The following MID1 variants were observed in gnomAD, a reference collection of about 807,000 sequenced individuals.
MID1 encodes the protein midline 1.
MID1 carries 7 observed loss-of-function variants against 40.4 expected under a neutral mutation model. The observed-to-expected ratio is 0.17, with a 90% confidence interval of 0.10 to 0.33. MID1 has a LOEUF of 0.33. Among genes scored for constraint, MID1 ranks in the 10% least tolerant of loss-of-function variants. The pLI, the probability that MID1 is intolerant of heterozygous loss-of-function variation, is 1.00. For synonymous variants in MID1, 229 were observed against 221.2 expected (o/e 1.04, Z -0.31); for missense variants, 367 against 558.5 (o/e 0.66, Z 3.46).
intron 1 of MID1, among the ~76,000 whole-genome samples, chrX:10,574,079 AT>A (rs1420390938): frequency 2.7e-5 from 3 of 111,538 alleles, no homozygotes; most frequent in African/African-American, 9.8e-5. Flanking sequence ...GCTTGTGAAT[AT>A]TTTAGGTTAT....
At chrX:10,452,687 C>T (rs1215987138) in intron 9 of MID1, among the ~76,000 whole-genome samples, 2 of 112,104 alleles carry the variant, frequency 1.8e-5, no homozygotes, top group Non-Finnish European at 3.8e-5. Context: ...TGACTTTCTA[C>T]ATGAAGATTT....
At chrX:10,735,479 T>A (rs2043481893) in intron 1 of MID1, among the ~76,000 whole-genome samples, 1 of 111,929 alleles carries the variant, frequency 8.9e-6, no homozygotes, top group South Asian at 3.7e-4. Context: ...CTTAATTTGT[T>A]CTTGTTGTTT....
chrX:10,455,884 A>C (rs1928633877), intron 8 of MID1, among the ~76,000 whole-genome samples: 1 of 112,245 alleles, frequency 8.9e-6, no homozygotes, highest in Non-Finnish European at 1.9e-5. Context: ...GTATTAAAAA[A>C]ATCTTGGCAG....
At chrX:10,531,334 G>A (rs148435356) in intron 2 of MID1, among the ~76,000 whole-genome samples, 1,819 of 112,024 alleles carry the variant, frequency 0.016, 25 homozygotes, top group South Asian at 0.048. Context: ...GGTTTGACTC[G>A]ACAGACCGCA....
At chrX:10,529,085 C>A (rs1441122497) in intron 2 of MID1, among the ~76,000 whole-genome samples, 1 of 111,052 alleles carries the variant, frequency 9.0e-6, no homozygotes, top group African/African-American at 3.3e-5. Context: ...AGGAAGAGTA[C>A]CTGGCTCACG....
chrX:10,585,655 T>C (rs146324291), intron 1 of MID1, among the ~76,000 whole-genome samples: 1,181 of 111,368 alleles, frequency 0.011, 17 homozygotes, highest in African/African-American at 0.033. Context: ...GGGTTGGTTA[T>C]TACTAGTTCT....
At chrX:10,784,607 G>A (rs969631507) in intron 1 of MID1, among the ~76,000 whole-genome samples, 12 of 108,588 alleles carry the variant, frequency 1.1e-4, no homozygotes, top group East Asian at 2.9e-4. Flanking sequence ...CACCACGCCC[G>A]GCTAATTTTT....
At chrX:10,766,925 G>T (rs745794719) in intron 1 of MID1, among the ~76,000 whole-genome samples, 1 of 104,735 alleles carries the variant, frequency 9.5e-6, no homozygotes. Context: ...AAAAAAAAAA[G>T]AAAAATAGTT....
At chrX:10,680,783 C>G (rs1331615146) in intron 1 of MID1, among the ~76,000 whole-genome samples, 2 of 110,459 alleles carry the variant, frequency 1.8e-5, no homozygotes, top group African/African-American at 6.6e-5. Flanking sequence ...GCCTACAATC[C>G]TAGCACTTTG....
intron 1 of MID1, among the ~76,000 whole-genome samples, chrX:10,703,183 G>A (rs1167746657): frequency 8.9e-6 from 1 of 112,100 alleles, no homozygotes; most frequent in Non-Finnish European, 1.9e-5. Flanking sequence ...CAAACAAAAA[G>A]TGTGCCAAGA....
intron 1 of MID1, among the ~76,000 whole-genome samples, chrX:10,592,532 A>T (rs746810404): frequency 1.8e-5 from 2 of 110,592 alleles, no homozygotes; most frequent in African/African-American, 6.6e-5. Context: ...AAATGTGCTT[A>T]AAAAAAGGAA....
At chrX:10,683,517 G>C in intron 1 of MID1, among the ~76,000 whole-genome samples, 1 of 110,588 alleles carries the variant, frequency 9.0e-6, no homozygotes, top group Non-Finnish European at 1.9e-5. Context: ...ACTCTAGCCC[G>C]GGCAGCACAG....
At chrX:10,471,575 T>C (rs190897676) in intron 6 of MID1, among the ~76,000 whole-genome samples, 209 of 112,261 alleles carry the variant, frequency 1.9e-3, no homozygotes, top group Middle Eastern at 0.014. Flanking sequence ...TGAGATTTAG[T>C]GTCATGTGGT....
At chrX:10,704,704 A>G (rs960397312) in intron 1 of MID1, among the ~76,000 whole-genome samples, 46 of 80,967 alleles carry the variant, frequency 5.7e-4, no homozygotes, top group Non-Finnish European at 7.1e-4. Flanking sequence ...ATATATATGC[A>G]TGTGTGTGTG....
chrX:10,488,915 C>T (rs946538729), intron 4 of MID1, among the ~76,000 whole-genome samples: 3 of 111,168 alleles, frequency 2.7e-5, no homozygotes, highest in South Asian at 3.8e-4. Flanking sequence ...AGCTTGCAGA[C>T]GGCCTATTGT....
chrX:10,603,318 C>T (rs1012445511), intron 1 of MID1, among the ~76,000 whole-genome samples: 4 of 112,024 alleles, frequency 3.6e-5, no homozygotes, highest in African/African-American at 9.7e-5. Context: ...TAGTATCTAG[C>T]TAGATGTCTG....
intron 3 of MID1, among the ~76,000 whole-genome samples, chrX:10,499,128 T>A (rs1409414437): frequency 2.7e-5 from 3 of 111,967 alleles, no homozygotes; most frequent in Non-Finnish European, 3.8e-5. Context: ...TTTTTAATTT[T>A]ATTTTATTTT....
chrX:10,765,914 AGAAAGAAAGAAAGGAAAGGAAAGGAAAG>A lies in MID1; in HGVS notation c.-187+67612_-187+67639del, dbSNP rs1366926743. Among the ~76,000 whole-genome samples the A allele has an allele frequency of 1.3e-3, 131 of 100,083 alleles. 2 individuals carry two copies. Among genetic ancestry groups the A allele is most frequent in the African/African-American group, 5.2e-3 (124 of 24,038 alleles). The allele number at this position is 100,083 out of a possible 115,157, so 86.9% of individuals were successfully genotyped here. A position where few individuals can be genotyped will look rare whatever the true frequency, so the allele number is the denominator to read the frequency against. On this transcript the variant is annotated intron_variant, in intron 1 of 10. Coordinates refer to the MID1 transcript ENST00000380785. ...AAAGAAAAGAAAGAAAGAAAAAGAA[AGAAAGAAAGAAAGGAAAGGAAAGGAAAG>A]GAAAGAAAGAAAGAAAGAAAGAAAG...
At chrX:10,803,475 C>A (rs2044023516) in intron 1 of MID1, among the ~76,000 whole-genome samples, 1 of 108,602 alleles carries the variant, frequency 9.2e-6, no homozygotes, top group Admixed American at 9.9e-5. Context: ...GCCTCAGCCT[C>A]CCAAGTAGCT....
Sources: gnomAD v4.1 joint callset for allele counts (sites outside exome capture counted in the v4.1 genomes callset) on GRCh38, gnomAD v4.1.1 for gene constraint, MANE v1.5 for transcripts, NCBI Gene and HGNC (gene_info 2026-07-23, HGNC 2026-07-21) for gene names.